The following AGPAT3 variants were observed in gnomAD, a reference collection of about 807,000 sequenced individuals.
AGPAT3 encodes the protein 1-acylglycerol-3-phosphate O-acyltransferase 3.
AGPAT3 carries 5 observed loss-of-function variants against 47.3 expected under a neutral mutation model. That is an observed-to-expected ratio of 0.11 (90% confidence interval 0.06 to 0.22). The LOEUF (loss-of-function observed/expected upper bound fraction) is 0.22. AGPAT3 is among the 10% of genes least tolerant of loss of function. The pLI is 1.00. For missense variants in AGPAT3, 315 were observed against 493.0 expected, an observed-to-expected ratio of 0.64 and a Z score of 3.42; for synonymous variants, 212 against 208.3, an observed-to-expected ratio of 1.02 and a Z score of -0.15.
chr21:43,970,476 G>A lies in AGPAT3; in HGVS notation c.511-177G>A, dbSNP rs1370473377. On this transcript the variant is annotated intron_variant, in intron 5 of 9. Transcript: ENST00000291572. This position sits in a 1 kb window ranked among gnomAD's most constrained non-coding sequence, Gnocchi z 5.8. ...AACGTGTGTGACTGGAGTGCAGACT[G>A]TGGCCCTAGAATAAAAGAACCTTTC... is the stretch of plus-strand genomic sequence containing the variant. Among the ~76,000 whole-genome samples the A allele has an allele frequency of 8.6e-6, 1 of 116,430 alleles. No homozygotes were observed. The highest frequency in any genetic ancestry group is 1.8e-5 in the Non-Finnish European group (1 of 54,580). 76.4% of individuals were successfully genotyped at this position (116,430 alleles called of 152,430 possible). A position where few individuals can be genotyped will look rare whatever the true frequency, so the allele number is the denominator to read the frequency against.
At chr21:43,907,930 C>T (rs763950563) in intron 2 of AGPAT3, among the ~76,000 whole-genome samples, 7 of 152,214 alleles carry the variant, frequency 4.6e-5, no homozygotes, top group Admixed American at 1.3e-4. Context: ...GCGCCCTCTC[C>T]GTCGCACGGC....
chr21:43,882,385 G>A (rs745374473), intron 1 of AGPAT3, among the ~76,000 whole-genome samples: 4 of 152,246 alleles, frequency 2.6e-5, no homozygotes, highest in Admixed American at 1.3e-4. Context: ...ACTCTTGCAC[G>A]CGTTTGCACT....
chr21:43,963,895 A>G (rs2089000642), intron 3 of AGPAT3, among the ~76,000 whole-genome samples: 1 of 152,058 alleles, frequency 6.6e-6, no homozygotes. Context: ...TGTGTTGTTC[A>G]AGAGTACAAA....
In AGPAT3 at chr21:43,908,055, C is replaced by T. The variant is rs1344308273; in HGVS notation, c.-49+4036C>T. 6.6e-6 allele frequency among the ~76,000 whole-genome samples: 1 copy of T among 152,196 alleles called. No homozygotes were observed. Among genetic ancestry groups the T allele is most frequent in the Non-Finnish European group, 1.5e-5 (1 of 68,032 alleles). ...TCGGAGGAGGGCGCTGGCTCAGGCA[C>T]CCCAGGGACGCTTTCTCTTTCCGTG... is the stretch of plus-strand genomic sequence containing the variant. On this transcript the variant is annotated intron_variant, in intron 2 of 9. Coordinates refer to ENST00000291572, the MANE Select transcript of AGPAT3 (RefSeq NM_020132.5). This position sits in a 1 kb window ranked among gnomAD's most constrained non-coding sequence, Gnocchi z 4.9.
intron 1 of AGPAT3, among the ~76,000 whole-genome samples, chr21:43,878,790 A>G (rs1413816848): frequency 2.7e-5 from 4 of 148,944 alleles, no homozygotes; most frequent in Admixed American, 6.7e-5. Context: ...ACGGGAGTGC[A>G]GTGGTGCAAT....
At chr21:43,947,790 C>T (rs2087971049) in intron 2 of AGPAT3, among the ~76,000 whole-genome samples, 1 of 151,570 alleles carries the variant, frequency 6.6e-6, no homozygotes, top group African/African-American at 2.4e-5. Context: ...ATTATAGGCG[C>T]CTGCCACCAC....
intron 7 of AGPAT3, among the ~76,000 whole-genome samples, chr21:43,974,543 TTA>T (rs570862935): frequency 6.4e-4 from 97 of 151,048 alleles, no homozygotes; most frequent in Non-Finnish European, 1.2e-3. Context: ...TGTGTGTAAA[TTA>T]TATGTGTGTG....
intron 1 of AGPAT3, among the ~76,000 whole-genome samples, chr21:43,894,441 T>C (rs1028448565): frequency 6.6e-6 from 1 of 151,954 alleles, no homozygotes; most frequent in Non-Finnish European, 1.5e-5. Flanking sequence ...GTTCACCCAC[T>C]ATATGACTCA....
In AGPAT3 at chr21:43,933,479, CGAT is replaced by C. The variant is rs1294006901; in HGVS notation, c.-48-26150_-48-26148del. 6.6e-6 allele frequency among the ~76,000 whole-genome samples: 1 copy of C among 152,122 alleles called. No homozygotes were observed. Among genetic ancestry groups the C allele is most frequent in the Non-Finnish European group, 1.5e-5 (1 of 68,030 alleles). Reference sequence around the variant, plus strand: ...TCCATGGGGAAAGGTTTGGGAATATCGATGATGTCATCATACTCCTGGCTGCTT... The same window carrying C: ...TCCATGGGGAAAGGTTTGGGAATATCGATGTCATCATACTCCTGGCTGCTT... On this transcript the variant is annotated intron_variant, in intron 2 of 9. Coordinates refer to ENST00000291572, the MANE Select transcript of AGPAT3 (RefSeq NM_020132.5). This position sits in a 1 kb window ranked among gnomAD's most constrained non-coding sequence, Gnocchi z 6.0.
chr21:43,949,719 A>G (rs148586534), intron 2 of AGPAT3, among the ~76,000 whole-genome samples: 1 of 152,140 alleles, frequency 6.6e-6, no homozygotes, highest in Non-Finnish European at 1.5e-5. Context: ...GTATCTTTCA[A>G]GATGTTCTGT....
chr21:43,959,696 C>T lies in AGPAT3; in HGVS notation c.15C>T (p.Ala5=), dbSNP rs759282712. MGLL[A]FLKTQFVLHL... ...TGAGCAGCGCCATGGGCCTGCTGGC[C>T]TTCCTGAAGACCCAGTTCGTGCTGC... The change falls in exon 3 of 10, where the codon GCC becomes GCT. Residue 5 remains alanine (A), a synonymous_variant. Coordinates refer to ENST00000291572, the MANE Select transcript of AGPAT3 (RefSeq NM_020132.5). The T allele has an allele frequency of 4.3e-6, 7 of 1,613,318 alleles. No homozygotes were observed. Among genetic ancestry groups the T allele is most frequent in the Admixed American group, 3.3e-5 (2 of 59,996 alleles).
At chr21:43,895,712 C>T (rs1004651477) in intron 1 of AGPAT3, among the ~76,000 whole-genome samples, 1 of 152,124 alleles carries the variant, frequency 6.6e-6, no homozygotes, top group Admixed American at 6.6e-5. Context: ...CTCAGCCTCC[C>T]AAGTATGGGA....
intron 2 of AGPAT3, among the ~76,000 whole-genome samples, chr21:43,929,676 G>T (rs2087176104): frequency 6.6e-6 from 1 of 152,232 alleles, no homozygotes; most frequent in African/African-American, 2.4e-5. Context: ...CACCTGCAGA[G>T]GCTTGGCCTG....
At chr21:43,900,942 G>A (rs1279829763) in intron 1 of AGPAT3, among the ~76,000 whole-genome samples, 1 of 152,176 alleles carries the variant, frequency 6.6e-6, no homozygotes, top group Non-Finnish European at 1.5e-5. Flanking sequence ...CAAGTTCACA[G>A]TGCCCAGCAG....
At chr21:43,894,459 C>T (rs912394803) in intron 1 of AGPAT3, among the ~76,000 whole-genome samples, 3 of 150,726 alleles carry the variant, frequency 2.0e-5, no homozygotes, top group South Asian at 4.2e-4. Context: ...TCACCCATTT[C>T]GAGGGGATAA....
At chr21:43,892,959 G>T (rs1243755351) in intron 1 of AGPAT3, among the ~76,000 whole-genome samples, 1 of 152,146 alleles carries the variant, frequency 6.6e-6, no homozygotes, top group Admixed American at 6.5e-5. Context: ...GCCAGGCATG[G>T]TGACTTGTGC....
At position 43,955,327 on chromosome 21, in the gene AGPAT3, AG is replaced by A. The variant is rs758353758; in HGVS notation, c.-48-4306del. ...CTTGGATGGAAATGTTCCCTGTTGCAGTGTGGTGGGGTCACAGGCGGCTTAG... is the reference window on the plus strand; with the variant it reads ...CTTGGATGGAAATGTTCCCTGTTGCATGTGGTGGGGTCACAGGCGGCTTAG... On this transcript the variant is annotated intron_variant, in intron 2 of 9. Transcript: ENST00000291572. The surrounding 1 kb of genome is among the most constrained non-coding windows in gnomAD (Gnocchi z 4.1). The A allele has an allele frequency of 9.0e-6, 9 of 997,538 alleles. No individual in the cohort carries two copies. Among genetic ancestry groups the A allele is most frequent in the Non-Finnish European group, 1.1e-5 (9 of 787,882 alleles). The allele number at this position is 997,538 out of a possible 1,614,324, so 61.8% of individuals were successfully genotyped here.
At chr21:43,962,041 C>T (rs2088895136) in intron 3 of AGPAT3, among the ~76,000 whole-genome samples, 1 of 149,110 alleles carries the variant, frequency 6.7e-6, no homozygotes, top group South Asian at 2.1e-4. Context: ...CGCTCTGTTG[C>T]CCAGGCTGGA....
intron 1 of AGPAT3, among the ~76,000 whole-genome samples, chr21:43,878,889 C>T (rs368280479): frequency 1.3e-5 from 2 of 152,058 alleles, no homozygotes; most frequent in Admixed American, 1.3e-4. Flanking sequence ...TGAAGTTGCA[C>T]GCCACCACAC....
Sources: allele counts gnomAD v4.1 joint callset (sites outside exome capture counted in the v4.1 genomes callset), GRCh38; gene constraint gnomAD v4.1.1; non-coding constraint Gnocchi (gnomAD v3.1); transcripts MANE v1.5; gene names NCBI Gene and HGNC (gene_info 2026-07-23, HGNC 2026-07-21).